Variants in SYT6 observed in about 807,000 individuals in gnomAD.
SYT6 encodes synaptotagmin 6.
In SYT6, 24 loss-of-function variants were observed where a neutral mutation model predicts 38.4. The ratio of observed to expected loss-of-function variants is 0.62; its 90% confidence interval spans 0.45 to 0.88. SYT6 has a LOEUF of 0.88. Ranked by LOEUF, SYT6 falls within the 40% of genes least tolerant of loss-of-function variation. The probability of loss-of-function intolerance (pLI) is 0.00; values close to 1 mark genes in which losing one functional copy is unlikely to be tolerated. For missense variants in SYT6, 611 were observed against 621.0 expected, an observed-to-expected ratio of 0.98 and a Z score of 0.17; for synonymous variants, 265 against 241.9, an observed-to-expected ratio of 1.10 and a Z score of -0.89.
intron 4 of SYT6, among the ~76,000 whole-genome samples, chr1:114,102,782 G>T (rs1379958605): frequency 6.6e-6 from 1 of 151,796 alleles, no homozygotes; most frequent in Non-Finnish European, 1.5e-5. Context: ...GTGCAGCCCA[G>T]ACCAAGAGGC....
rs546090406 is a variant in SYT6 at position 114,148,048 on chromosome 1, A to G, written c.163+5562T>C. On this transcript the variant is annotated intron_variant, in intron 1 of 7. Transcript: ENST00000610222. ...GGAAGTTGAGATCCCCTTCAAGGCCATCAGGATAGGATCTGCTTGTCACCT... is the reference window on the plus strand; with the variant it reads ...GGAAGTTGAGATCCCCTTCAAGGCCGTCAGGATAGGATCTGCTTGTCACCT... 2.6e-5 allele frequency among the ~76,000 whole-genome samples: 4 copies of G among 152,326 alleles called. No homozygotes were observed. The South Asian group carries it at 8.3e-4, about 32-fold the overall frequency.
chr1:114,126,957 G>A (rs1677781624), intron 3 of SYT6, among the ~76,000 whole-genome samples: 1 of 152,190 alleles, frequency 6.6e-6, no homozygotes, highest in Admixed American at 6.5e-5. Flanking sequence ...CCACTGTCTG[G>A]GCCTCTGGCA....
chr1:114,099,611 A>G (rs183566574), intron 4 of SYT6, among the ~76,000 whole-genome samples: 47 of 152,316 alleles, frequency 3.1e-4, no homozygotes, highest in East Asian at 1.9e-4. Flanking sequence ...GGCTGACTCA[A>G]AAAGGTGATG....
At chr1:114,092,638 CCCTT>C (rs1160886774) in intron 7 of SYT6, among the ~76,000 whole-genome samples, 1 of 152,104 alleles carries the variant, frequency 6.6e-6, no homozygotes, top group Non-Finnish European at 1.5e-5. Context: ...TGTGAGCAGA[CCCTT>C]CTGGGCTTCT....
At chr1:114,104,494 C>T (rs1043345102) in intron 3 of SYT6, among the ~76,000 whole-genome samples, 1 of 152,118 alleles carries the variant, frequency 6.6e-6, no homozygotes, top group East Asian at 1.9e-4. Context: ...TTAAACAGTG[C>T]CTTGCCAGGT....
rs758840771 is a variant in SYT6, at chr1:114,153,694, G to A, written c.79C>T (p.Pro27Ser). 1.5e-6 allele frequency: 1 copy of A among 675,328 alleles called. No individual in the cohort carries two copies. The highest frequency in any genetic ancestry group is 1.6e-5 in the South Asian group (1 of 63,802). The allele number at this position is 675,328 out of a possible 1,614,324, so 41.8% of individuals were successfully genotyped here. The change falls in exon 1 of 8, where the codon CCG (proline) becomes TCG (serine). Residue 27 changes from proline to serine, a missense_variant. By Grantham distance (74) the Pro-to-Ser change is moderately conservative. Transcript: ENST00000610222. Reference sequence around the variant, plus strand: ...TCCACGTCCAGCCCGAGAGGGGGCGGCCGGGCCCGGCACAGCGAGGCGAGG... The same window carrying A: ...TCCACGTCCAGCCCGAGAGGGGGCGACCGGGCCCGGCACAGCGAGGCGAGG... ...AVLASLCRARPPPLGLDVETC... is the reference protein window; with the variant it reads ...AVLASLCRARSPPLGLDVETC...
chr1:114,115,460 A>G (rs1428700927), intron 3 of SYT6, among the ~76,000 whole-genome samples: 2 of 148,094 alleles, frequency 1.4e-5, no homozygotes. Context: ...TCTGTCGCCC[A>G]GGCTGGACTG....
chr1:114,112,292 C>G (rs114435035), intron 3 of SYT6, among the ~76,000 whole-genome samples: 46 of 152,328 alleles, frequency 3.0e-4, no homozygotes, highest in African/African-American at 1.1e-3. Context: ...ATCCTTGAGT[C>G]TGGGTTTGTC....
chr1:114,093,815 T>G lies in SYT6; in HGVS notation c.1516-12A>C. 2.5e-6 allele frequency: 4 copies of G among 1,613,894 alleles called. No homozygotes were observed. The highest frequency in any genetic ancestry group is 3.4e-6 in the Non-Finnish European group (4 of 1,179,816). Reference sequence around the variant, plus strand: ...AACCGAGGGTTTCCCTGGTGAAATATTTTAGATAAATAAATGCCTGGTTGT... The same window carrying G: ...AACCGAGGGTTTCCCTGGTGAAATAGTTTAGATAAATAAATGCCTGGTTGT... On this transcript the variant is annotated splice_polypyrimidine_tract_variant and intron_variant, in intron 6 of 7. Coordinates refer to ENST00000610222, the MANE Select transcript of SYT6 (RefSeq NM_001253772.2).
At chr1:114,141,875 A>G (rs192774467) in intron 1 of SYT6, among the ~76,000 whole-genome samples, 5 of 152,356 alleles carry the variant, frequency 3.3e-5, no homozygotes, top group Admixed American at 1.3e-4. Flanking sequence ...CTAAAAATGG[A>G]AAAACAAAAC....
intron 3 of SYT6, among the ~76,000 whole-genome samples, chr1:114,112,549 A>C (rs1676748896): frequency 6.6e-6 from 1 of 152,238 alleles, no homozygotes; most frequent in Non-Finnish European, 1.5e-5. Flanking sequence ...GTGGAGAAGA[A>C]GAGGGGCTGA....
At chr1:114,145,130 C>T (rs1679091268) in intron 1 of SYT6, among the ~76,000 whole-genome samples, 1 of 151,814 alleles carries the variant, frequency 6.6e-6, no homozygotes, top group Non-Finnish European at 1.5e-5. Flanking sequence ...GGCAGGTGGA[C>T]ACAAGAGAAA....
chr1:114,108,703 T>G (rs1483733656), intron 3 of SYT6, among the ~76,000 whole-genome samples: 1 of 152,202 alleles, frequency 6.6e-6, no homozygotes, highest in Non-Finnish European at 1.5e-5. Context: ...ATTTTTTAAG[T>G]TCCCATTGCC....
At chr1:114,114,958 C>T (rs1250794666) in intron 3 of SYT6, among the ~76,000 whole-genome samples, 2 of 152,176 alleles carry the variant, frequency 1.3e-5, no homozygotes, top group Admixed American at 6.5e-5. Context: ...TTCCTGTGCA[C>T]CACATGGCAC....
At chr1:114,105,637 T>A (rs1295607550) in intron 3 of SYT6, among the ~76,000 whole-genome samples, 2 of 151,954 alleles carry the variant, frequency 1.3e-5, no homozygotes, top group African/African-American at 4.8e-5. Context: ...TCCATGAAGA[T>A]CACTTCCAGC....
At chr1:114,136,250 C>T (rs527366313) in intron 3 of SYT6, among the ~76,000 whole-genome samples, 1 of 152,208 alleles carries the variant, frequency 6.6e-6, no homozygotes, top group Non-Finnish European at 1.5e-5. Flanking sequence ...ATTTTCCCAG[C>T]CCCTCTCTTC....
intron 3 of SYT6, among the ~76,000 whole-genome samples, chr1:114,120,421 C>CAGGGCGTGCACATTGTGT (rs1553181697): frequency 6.6e-6 from 1 of 152,172 alleles, no homozygotes; most frequent in Non-Finnish European, 1.5e-5. Context: ...GTTTGGAGGG[C>CAGGGCGTGCACATTGTGT]AGGGCGTGCA....
Position 114,153,866 on chromosome 1 carries a change from C to A in SYT6, c.-94G>T. 1 of 550,322 alleles carries A rather than the reference C, an allele frequency of 1.8e-6. No individual in the cohort carries two copies. The highest frequency in any genetic ancestry group is 3.2e-6 in the Non-Finnish European group (1 of 316,954). 34.1% of individuals were successfully genotyped at this position (550,322 alleles called of 1,614,324 possible). ...GACGGCCCCAAGAAGACCCTCCCTG[C>A]AGCGGCCCCCTGCGGCTCCGCTCTG... On this transcript the variant is annotated 5_prime_UTR_variant, in exon 1 of 8. Coordinates refer to ENST00000610222, the MANE Select transcript of SYT6 (RefSeq NM_001253772.2).
At chr1:114,140,702 A>T (rs889625943) in intron 1 of SYT6, among the ~76,000 whole-genome samples, 6 of 152,216 alleles carry the variant, frequency 3.9e-5, no homozygotes, top group African/African-American at 1.4e-4. Context: ...TCATTTTGCT[A>T]TGCTTCACTT....
Sources: gnomAD v4.1 joint callset for allele counts (sites outside exome capture counted in the v4.1 genomes callset) on GRCh38, gnomAD v4.1.1 for gene constraint, MANE v1.5 for transcripts, NCBI Gene and HGNC (gene_info 2026-07-23, HGNC 2026-07-21) for gene names.